Variants in CSMD1 observed in about 807,000 individuals in gnomAD.
CSMD1 encodes CUB and sushi domain-containing protein 1.
In CSMD1, 213 loss-of-function variants were observed where a neutral mutation model predicts 417.5. The ratio of observed to expected loss-of-function variants is 0.51; its 90% confidence interval spans 0.46 to 0.57. The LOEUF is 0.57. Ranked by LOEUF, CSMD1 falls within the 20% of genes least tolerant of loss-of-function variation. The pLI is 0.00. For missense variants in CSMD1, 6,923 were observed against 4,529.7 expected (o/e 1.53, Z -15.17); for synonymous variants, 2,862 against 1,736.8 (o/e 1.65, Z -16.11).
At chr8:4,299,484 C>G (rs1436628229) in intron 3 of CSMD1, among the ~76,000 whole-genome samples, 1 of 152,120 alleles carries the variant, frequency 6.6e-6, no homozygotes, top group Non-Finnish European at 1.5e-5. Flanking sequence ...GATACTTACT[C>G]AATAGCCATC....
At chr8:4,083,158 T>C (rs774471364) in intron 3 of CSMD1, among the ~76,000 whole-genome samples, 1 of 152,126 alleles carries the variant, frequency 6.6e-6, no homozygotes, top group Non-Finnish European at 1.5e-5. Flanking sequence ...TCAAATGGTA[T>C]TTCTGGTTCT....
chr8:3,169,259 GT>G (rs1820433907), intron 37 of CSMD1, among the ~76,000 whole-genome samples: 1 of 152,158 alleles, frequency 6.6e-6, no homozygotes, highest in African/African-American at 2.4e-5. Flanking sequence ...GAGGAGACAA[GT>G]TTCAGGACTT....
intron 5 of CSMD1, among the ~76,000 whole-genome samples, chr8:3,905,029 A>G (rs1808023063): frequency 6.6e-6 from 1 of 152,120 alleles, no homozygotes; most frequent in Non-Finnish European, 1.5e-5. Flanking sequence ...TAGAACTTGT[A>G]CTGGTGACTG....
intron 10 of CSMD1, among the ~76,000 whole-genome samples, chr8:3,548,997 G>C (rs1160131910): frequency 1.3e-5 from 2 of 152,008 alleles, no homozygotes; most frequent in Non-Finnish European, 2.9e-5. Flanking sequence ...ATATACCTGG[G>C]TTTCCTCACC....
rs568158491 is a variant in CSMD1 at position 4,854,014 on chromosome 8, G to T, written c.85+140318C>A. Among the ~76,000 whole-genome samples, 4 of 152,196 alleles carry T rather than the reference G, an allele frequency of 2.6e-5. No individual in the cohort carries two copies. The East Asian group carries it at 5.8e-4, about 22-fold the overall frequency. The stretch of plus-strand genomic sequence containing the variant: ...TTTACCTAATTCCTGGAACACAATT[G>T]TATCTTGGAAGTATGCAACTTGGTT... On this transcript the variant is annotated intron_variant, in intron 1 of 69. Transcript: ENST00000635120.
intron 2 of CSMD1, among the ~76,000 whole-genome samples, chr8:4,568,352 C>T (rs1291139014): frequency 6.6e-6 from 1 of 152,160 alleles, no homozygotes; most frequent in Non-Finnish European, 1.5e-5. Context: ...TCCATTCCCA[C>T]TTATGACTGA....
intron 1 of CSMD1, among the ~76,000 whole-genome samples, chr8:4,883,261 A>C (rs991028391): frequency 3.9e-5 from 6 of 152,120 alleles, no homozygotes; most frequent in Non-Finnish European, 7.3e-5. Context: ...AGAATGATGA[A>C]AGCTAATATA....
rs141993745 is a variant in CSMD1, at chr8:4,549,406, T to G, written c.302+87936A>C. On this transcript the variant is annotated intron_variant, in intron 2 of 69. Transcript: ENST00000635120. ...TAAACAAAACACAGTAACAGTTTTCTAATTGTGATTTATTTCTATCCATCT... is the reference window on the plus strand; with the variant it reads ...TAAACAAAACACAGTAACAGTTTTCGAATTGTGATTTATTTCTATCCATCT... Among the ~76,000 whole-genome samples the G allele has an allele frequency of 4.9e-3, 750 of 152,326 alleles. 8 individuals are homozygous for G. The highest frequency in any genetic ancestry group is 0.017 in the African/African-American group (725 of 41,566).
chr8:3,484,329 G>C (rs1481028160), intron 11 of CSMD1, among the ~76,000 whole-genome samples: 1 of 152,162 alleles, frequency 6.6e-6, no homozygotes, highest in African/African-American at 2.4e-5. Flanking sequence ...CAGTTCAATG[G>C]AGAAAGGCGA....
intron 2 of CSMD1, among the ~76,000 whole-genome samples, chr8:4,524,570 T>A (rs1364850050): frequency 3.5e-4 from 6 of 17,288 alleles, no homozygotes; most frequent in Middle Eastern, 0.05. Flanking sequence ...ACACTTGGTC[T>A]TTTTTTTTTT....
chr8:3,076,638 C>T (rs570469893), intron 49 of CSMD1, among the ~76,000 whole-genome samples: 4 of 152,238 alleles, frequency 2.6e-5, no homozygotes, highest in East Asian at 1.9e-4. Flanking sequence ...ACTGCACCAC[C>T]GCTGGCCTAA....
At chr8:3,948,276 AATAAAAAC>A (rs1811369522) in intron 5 of CSMD1, among the ~76,000 whole-genome samples, 1 of 152,182 alleles carries the variant, frequency 6.6e-6, no homozygotes, top group South Asian at 2.1e-4. Flanking sequence ...TTTGTTAAAA[AATAAAAAC>A]AAAAAGTCAT....
chr8:3,750,243 T>C (rs1224973242), intron 6 of CSMD1, among the ~76,000 whole-genome samples: 1 of 151,934 alleles, frequency 6.6e-6, no homozygotes, highest in Non-Finnish European at 1.5e-5. Flanking sequence ...GTGACTACAA[T>C]AACGTTAAAA....
intron 3 of CSMD1, among the ~76,000 whole-genome samples, chr8:4,148,519 T>TAA (rs200452249): frequency 2.0e-5 from 3 of 147,884 alleles, no homozygotes; most frequent in Middle Eastern, 3.5e-3. Flanking sequence ...AAAGTATAAT[T>TAA]AAAAAAAAAA....
intron 1 of CSMD1, among the ~76,000 whole-genome samples, chr8:4,800,484 T>G (rs1341793217): frequency 1.3e-5 from 2 of 152,030 alleles, no homozygotes; most frequent in African/African-American, 2.4e-5. Context: ...ACCTTTGTCT[T>G]AGGTTTAATT....
chr8:3,693,931 G>T (rs1193964135), intron 7 of CSMD1, among the ~76,000 whole-genome samples: 1 of 151,276 alleles, frequency 6.6e-6, no homozygotes, highest in Non-Finnish European at 1.5e-5. Flanking sequence ...GTTTGTTATG[G>T]TGTGTGCGTC....
chr8:3,018,665 A>G lies in CSMD1; in HGVS notation c.7856-15T>C. Reference sequence around the variant, plus strand: ...ACACGAGATAACTAGAAGGAAAAACAATAAAATGAACATCAATTCAGTTAT... The same window carrying G: ...ACACGAGATAACTAGAAGGAAAAACGATAAAATGAACATCAATTCAGTTAT... On this transcript the variant is annotated splice_polypyrimidine_tract_variant and intron_variant, in intron 51 of 69. Transcript: ENST00000635120. 6.2e-7 allele frequency: 1 copy of G among 1,605,576 alleles called. No individual in the cohort carries two copies.
chr8:3,109,141 T>C (rs904959879), intron 43 of CSMD1, among the ~76,000 whole-genome samples: 2 of 152,192 alleles, frequency 1.3e-5, no homozygotes, highest in African/African-American at 4.8e-5. Flanking sequence ...GGCACGCACT[T>C]GTAGTCCCAG....
At chr8:4,400,522 T>C (rs1277656169) in intron 3 of CSMD1, among the ~76,000 whole-genome samples, 1 of 152,228 alleles carries the variant, frequency 6.6e-6, no homozygotes, top group African/African-American at 2.4e-5. Context: ...TCAATAAAAA[T>C]TGCCCTCTAT....
Sources: gnomAD v4.1 joint callset for allele counts (sites outside exome capture counted in the v4.1 genomes callset) on GRCh38, gnomAD v4.1.1 for gene constraint, MANE v1.5 for transcripts, NCBI Gene and HGNC (gene_info 2026-07-23, HGNC 2026-07-21) for gene names.